XXYLT1: variants seen among roughly 807,000 people sequenced by gnomAD.
The protein encoded by XXYLT1 is UDP-xylose:alpha-xyloside alpha-1,3-xylosyltransferase.
XXYLT1 carries 20 observed loss-of-function variants against 28.9 expected under a neutral mutation model. That is an observed-to-expected ratio of 0.69 (90% CI 0.49 to 1.00). XXYLT1 has a LOEUF of 1.00. Among genes scored for constraint, XXYLT1 ranks in the 50% least tolerant of loss-of-function variants. The pLI is 0.00. For missense variants in XXYLT1, 542 were observed against 560.1 expected, an observed-to-expected ratio of 0.97 and a Z score of 0.33; for synonymous variants, 257 against 253.8, an observed-to-expected ratio of 1.01 and a Z score of -0.12.
rs1260794858 is a variant in XXYLT1, at chr3:195,270,772, G to A, written c.287C>T (p.Pro96Leu). Residue 96 changes from proline to leucine, a missense_variant, in exon 1 of 4, where the codon CCG (proline) becomes CTG (leucine). Transcript: ENST00000310380. ...AKSLEGGGAGPVDYHLLMMFT... is the reference protein window; with the variant it reads ...AKSLEGGGAGLVDYHLLMMFT... Reference sequence around the variant, plus strand: ...CATCATCAGCAGGTGGTAGTCCACCGGCCCGGCACCGCCGCCCTCCAAGCT... The same window carrying A: ...CATCATCAGCAGGTGGTAGTCCACCAGCCCGGCACCGCCGCCCTCCAAGCT... The A allele has an allele frequency of 2.5e-6, 4 of 1,575,070 alleles. No homozygotes were observed. The African/African-American group carries it at 4.2e-5, about 17-fold the overall frequency.
chr3:195,090,726 A>G (rs1386076484), intron 3 of XXYLT1, among the ~76,000 whole-genome samples: 1 of 148,358 alleles, frequency 6.7e-6, no homozygotes, highest in African/African-American at 2.5e-5. Context: ...CAAAAAATTA[A>G]TGAATCCAGG....
intron 3 of XXYLT1, among the ~76,000 whole-genome samples, chr3:195,121,697 A>C (rs957024476): frequency 1.3e-5 from 2 of 152,154 alleles, no homozygotes; most frequent in African/African-American, 4.8e-5. Flanking sequence ...CAAAACAAGA[A>C]AGGCTGAGGG....
chr3:195,192,382 G>A (rs558002243), intron 2 of XXYLT1, among the ~76,000 whole-genome samples: 4 of 149,268 alleles, frequency 2.7e-5, no homozygotes, highest in East Asian at 1.9e-4. Context: ...CCAAGATCAC[G>A]CCACTGCACT....
intron 1 of XXYLT1, among the ~76,000 whole-genome samples, chr3:195,235,720 C>A (rs1444748959): frequency 6.6e-6 from 1 of 152,134 alleles, no homozygotes; most frequent in African/African-American, 2.4e-5. Flanking sequence ...TTGGTCACTG[C>A]AGCTGTATCT....
chr3:195,245,466 T>C (rs370231098), intron 1 of XXYLT1, among the ~76,000 whole-genome samples: 20 of 152,258 alleles, frequency 1.3e-4, no homozygotes, highest in African/African-American at 4.8e-4. Flanking sequence ...CCAATTCATC[T>C]TCTTCCAGTG....
intron 1 of XXYLT1, among the ~76,000 whole-genome samples, chr3:195,261,650 G>GT (rs1268543670): frequency 6.6e-6 from 1 of 152,138 alleles, no homozygotes; most frequent in Non-Finnish European, 1.5e-5. Flanking sequence ...ACCTTACAGG[G>GT]TAAGGAGGGG....
chr3:195,147,167 C>A (rs770218242), intron 3 of XXYLT1, among the ~76,000 whole-genome samples: 2 of 152,102 alleles, frequency 1.3e-5, no homozygotes, highest in Admixed American at 6.6e-5. Context: ...TTTTATCTAC[C>A]CTATCTCCCT....
chr3:195,125,753 C>T (rs181102551), intron 3 of XXYLT1, among the ~76,000 whole-genome samples: 148 of 152,310 alleles, frequency 9.7e-4, no homozygotes, highest in African/African-American at 3.4e-3. Flanking sequence ...AATCTGTGGC[C>T]AGGAGATGGG....
At chr3:195,226,213 G>A (rs565205208) in intron 2 of XXYLT1, among the ~76,000 whole-genome samples, 3 of 152,144 alleles carry the variant, frequency 2.0e-5, no homozygotes, top group Non-Finnish European at 4.4e-5. Context: ...GGAGACAGAC[G>A]CCCAGAAAAT....
Position 195,119,721 on chromosome 3 carries a change from C to T in XXYLT1, c.785+36728G>A, listed in dbSNP as rs574735700. 5.3e-5 allele frequency among the ~76,000 whole-genome samples: 8 copies of T among 152,194 alleles called. No homozygotes were observed. The South Asian group carries it at 1.0e-3, about 20-fold the overall frequency. On this transcript the variant is annotated intron_variant, in intron 3 of 3. Coordinates refer to ENST00000310380, the MANE Select transcript of XXYLT1 (RefSeq NM_152531.5). ...CTCCGCAGAACAATGCTGAGTCTCC[C>T]GAATGCCTCTTTTGTTCCATACGGC...
chr3:195,085,455 T>A (rs1365422522), intron 3 of XXYLT1, among the ~76,000 whole-genome samples: 2 of 152,104 alleles, frequency 1.3e-5, no homozygotes, highest in African/African-American at 4.8e-5. Flanking sequence ...GGAGCCTCCA[T>A]CCCCATGTCT....
intron 3 of XXYLT1, among the ~76,000 whole-genome samples, chr3:195,072,482 G>T (rs1465705561): frequency 1.3e-5 from 2 of 151,284 alleles, no homozygotes; most frequent in African/African-American, 2.5e-5. Flanking sequence ...CTCAGGAGAT[G>T]GGGGCCGCAG....
At chr3:195,185,812 C>G (rs972153986) in intron 2 of XXYLT1, among the ~76,000 whole-genome samples, 9 of 152,154 alleles carry the variant, frequency 5.9e-5, no homozygotes, top group Non-Finnish European at 1.2e-4. Context: ...CACACCCCAT[C>G]TACATACCTG....
At chr3:195,233,942 A>G (rs1306146133) in intron 1 of XXYLT1, among the ~76,000 whole-genome samples, 1 of 152,076 alleles carries the variant, frequency 6.6e-6, no homozygotes, top group Non-Finnish European at 1.5e-5. Flanking sequence ...TTTGAGATGG[A>G]GTCTCACTCT....
At chr3:195,070,462 C>T (rs1237749694) in intron 3 of XXYLT1, among the ~76,000 whole-genome samples, 4 of 152,054 alleles carry the variant, frequency 2.6e-5, no homozygotes, top group African/African-American at 7.3e-5. Context: ...AGAAAACGGA[C>T]GCACAGAGAG....
chr3:195,256,640 C>T lies in XXYLT1; in HGVS notation c.504+13915G>A, dbSNP rs747979591. 9.7e-5 allele frequency: 90 copies of T among 924,606 alleles called. 1 individual carries two copies. Among genetic ancestry groups the T allele is most frequent in the Non-Finnish European group, 1.0e-4 (78 of 774,540 alleles). 57.3% of individuals were successfully genotyped at this position (924,606 alleles called of 1,614,324 possible). A position where few individuals can be genotyped will look rare whatever the true frequency, so the allele number is the denominator to read the frequency against. Reference sequence around the variant, plus strand: ...GTAAGCCCCCAGCACTGTTTATACACGCCTGGAAGAGAACAGACTGTTACT... The same window carrying T: ...GTAAGCCCCCAGCACTGTTTATACATGCCTGGAAGAGAACAGACTGTTACT... On this transcript the variant is annotated intron_variant, in intron 1 of 3. Transcript: ENST00000310380. The surrounding 1 kb of genome is among the most constrained non-coding windows in gnomAD (Gnocchi z 4.2).
At chr3:195,248,894 T>C (rs1577196376) in intron 1 of XXYLT1, among the ~76,000 whole-genome samples, 1 of 152,296 alleles carries the variant, frequency 6.6e-6, no homozygotes, top group East Asian at 1.9e-4. Context: ...TACTCCAGCC[T>C]GGGGGACAGA....
intron 3 of XXYLT1, among the ~76,000 whole-genome samples, chr3:195,126,865 G>A (rs1349618046): frequency 6.6e-6 from 1 of 152,180 alleles, no homozygotes; most frequent in African/African-American, 2.4e-5. Context: ...CTGGTAGGAG[G>A]TGATTTGATT....
In XXYLT1 at chr3:195,077,569, T is replaced by C. The variant is rs963499581; in HGVS notation, c.786-7458A>G. Among the ~76,000 whole-genome samples, 1 of 152,134 alleles carries C rather than the reference T, an allele frequency of 6.6e-6. No individual in the cohort carries two copies. Among genetic ancestry groups the C allele is most frequent in the African/African-American group, 2.4e-5 (1 of 41,434 alleles). On this transcript the variant is annotated intron_variant, in intron 3 of 3. Coordinates refer to ENST00000310380, the MANE Select transcript of XXYLT1 (RefSeq NM_152531.5). This position sits in a 1 kb window ranked among gnomAD's most constrained non-coding sequence, Gnocchi z 4.8. Reference sequence around the variant, plus strand: ...CTGGAATGATAAAGGTGACCCATAGTGTCAGTCTCGTTCCCAAAGCTGTAC... The same window carrying C: ...CTGGAATGATAAAGGTGACCCATAGCGTCAGTCTCGTTCCCAAAGCTGTAC...
Sources: allele counts gnomAD v4.1 joint callset (sites outside exome capture counted in the v4.1 genomes callset), GRCh38; gene constraint gnomAD v4.1.1; non-coding constraint Gnocchi (gnomAD v3.1); transcripts MANE v1.5; gene names NCBI Gene and HGNC (gene_info 2026-07-23, HGNC 2026-07-21).